The following TAFA2 variants were observed in gnomAD, a reference collection of about 807,000 sequenced individuals.
TAFA2 encodes the protein TAFA chemokine like family member 2, also known as chemokine-like protein TAFA-2.
In TAFA2, 7 loss-of-function variants were observed where a neutral mutation model predicts 18.8. The observed-to-expected ratio is 0.37, with a 90% CI of 0.21 to 0.70. The LOEUF is 0.70. TAFA2 is among the 30% of genes least tolerant of loss of function. The probability of loss-of-function intolerance (pLI) is 0.53; values close to 1 mark genes in which losing one functional copy is unlikely to be tolerated. For missense variants in TAFA2, 122 were observed against 158.1 expected (o/e 0.77, Z 1.23); for synonymous variants, 60 against 54.2 (o/e 1.11, Z -0.47).
chr12:61,712,450 AT>A (rs1376392321), intron 4 of TAFA2, among the ~76,000 whole-genome samples: 2 of 152,046 alleles, frequency 1.3e-5, no homozygotes, highest in African/African-American at 2.4e-5. Flanking sequence ...AACTAAAACA[AT>A]TTTTTTCTCC....
chr12:62,085,034 T>G (rs1868395368), intron 1 of TAFA2, among the ~76,000 whole-genome samples: 1 of 152,156 alleles, frequency 6.6e-6, no homozygotes, highest in Non-Finnish European at 1.5e-5. Context: ...CATAACTCAG[T>G]GTTTTCTATC....
At chr12:62,111,586 G>A (rs1400428507) in intron 1 of TAFA2, among the ~76,000 whole-genome samples, 4 of 152,112 alleles carry the variant, frequency 2.6e-5, no homozygotes, top group Non-Finnish European at 5.9e-5. Flanking sequence ...TGACAGTGTG[G>A]TATTAAAATC....
intron 1 of TAFA2, among the ~76,000 whole-genome samples, chr12:62,019,791 C>T (rs1007946704): frequency 4.0e-5 from 6 of 151,172 alleles, no homozygotes; most frequent in African/African-American, 9.7e-5. Context: ...GCACGTTGTG[C>T]ACATGTACCC....
chr12:62,113,385 TGCCA>T (rs1869820995), intron 1 of TAFA2, among the ~76,000 whole-genome samples: 3 of 152,176 alleles, frequency 2.0e-5, no homozygotes. Flanking sequence ...ACCCACCAGA[TGCCA>T]GCCAGAGCTC....
At chr12:61,790,239 A>G (rs1415110410) in intron 2 of TAFA2, among the ~76,000 whole-genome samples, 1 of 151,856 alleles carries the variant, frequency 6.6e-6, no homozygotes, top group Admixed American at 6.6e-5. Context: ...AAGGCCATAT[A>G]TGGCAAACCC....
chr12:61,786,060 T>C (rs1474431436), intron 2 of TAFA2, among the ~76,000 whole-genome samples: 2 of 151,302 alleles, frequency 1.3e-5, no homozygotes, highest in Non-Finnish European at 3.0e-5. Context: ...TTCAGCAGAG[T>C]ACTAATCAGC....
intron 1 of TAFA2, among the ~76,000 whole-genome samples, chr12:62,155,481 T>C (rs1305719323): frequency 3.9e-5 from 6 of 152,060 alleles, no homozygotes; most frequent in Non-Finnish European, 8.8e-5. Flanking sequence ...AGAGCCCACA[T>C]AGCCAAATCA....
intron 1 of TAFA2, among the ~76,000 whole-genome samples, chr12:61,895,079 G>A (rs1875783830): frequency 6.6e-6 from 1 of 152,046 alleles, no homozygotes; most frequent in Non-Finnish European, 1.5e-5. Context: ...TTTTACATAA[G>A]CCAAGGGCGT....
chr12:62,191,878 C>T lies in TAFA2; in HGVS notation c.-621G>A, dbSNP rs924255462. ...CCTCTCTCCCGCCCTCCCTCTTGTT[C>T]TCTGGGGAAAGGCAATTGGACAGAA... On this transcript the variant is annotated 5_prime_UTR_variant, in exon 1 of 5. Coordinates refer to ENST00000416284, the MANE Select transcript of TAFA2 (RefSeq NM_178539.5). 4 of 152,608 alleles carry T rather than the reference C, an allele frequency of 2.6e-5. No homozygotes were observed. The highest frequency in any genetic ancestry group is 9.6e-5 in the African/African-American group (4 of 41,456). The allele number at this position is 152,608 out of a possible 1,614,324, so 9.5% of individuals were successfully genotyped here. A position where few individuals can be genotyped will look rare whatever the true frequency, so the allele number is the denominator to read the frequency against.
At chr12:62,150,993 G>C (rs1245083995) in intron 1 of TAFA2, among the ~76,000 whole-genome samples, 2 of 144,904 alleles carry the variant, frequency 1.4e-5, no homozygotes, top group Non-Finnish European at 3.0e-5. Flanking sequence ...TGAAGGCCTT[G>C]TCAAAAAAAA....
At chr12:61,865,176 C>A (rs1382877102) in intron 2 of TAFA2, among the ~76,000 whole-genome samples, 3 of 152,088 alleles carry the variant, frequency 2.0e-5, no homozygotes, top group Non-Finnish European at 1.5e-5. Context: ...AGGTTCTTAC[C>A]TTAACCATTT....
At chr12:62,189,940 T>TTGTGTG (rs10643306) in intron 1 of TAFA2, among the ~76,000 whole-genome samples, 17,401 of 141,848 alleles carry the variant, frequency 0.12, 1,142 homozygotes, top group Middle Eastern at 0.18. Context: ...TGAGTTTGCT[T>TTGTGTG]TGTGTGTGTG....
intron 4 of TAFA2, among the ~76,000 whole-genome samples, chr12:61,724,168 C>A (rs939913398): frequency 6.6e-6 from 1 of 152,084 alleles, no homozygotes; most frequent in African/African-American, 2.4e-5. Context: ...CCTATCAAAT[C>A]TGGAGACTAG....
Position 62,234,721 on chromosome 12 carries a change from C to T in TAFA2, c.-130+24042G>A, listed in dbSNP as rs563983469. On this transcript the variant is annotated intron_variant, in intron 1 of 5. Coordinates refer to the TAFA2 transcript ENST00000551619. ...CAGTAAGGCCTTGCCTCTGAGGAGC[C>T]CCGTCTACCAGTCCTTTCCTGAGGC... 1.2e-4 allele frequency: 127 copies of T among 1,097,484 alleles called. 3 individuals carry two copies. The South Asian group carries it at 1.5e-3, about 13-fold the overall frequency. 68.0% of individuals were successfully genotyped at this position (1,097,484 alleles called of 1,614,324 possible).
intron 2 of TAFA2, among the ~76,000 whole-genome samples, chr12:61,818,000 C>A (rs984599626): frequency 2.0e-5 from 3 of 152,140 alleles, no homozygotes; most frequent in Non-Finnish European, 4.4e-5. Flanking sequence ...CTAGCCAAAG[C>A]AGACTCTCCC....
chr12:62,192,234 G>C lies in TAFA2; in HGVS notation c.-977C>G, dbSNP rs995837095. ...GGGCAGAGCCCCACGCAGCCCACCC[G>C]CTGCCCTTCTAGGCATCGTGGGCTG... On this transcript the variant is annotated 5_prime_UTR_variant, in exon 1 of 5. Transcript: ENST00000416284. The C allele has an allele frequency of 1.3e-5, 2 of 152,106 alleles. No individual in the cohort carries two copies. Among genetic ancestry groups the C allele is most frequent in the African/African-American group, 4.8e-5 (2 of 41,358 alleles). The allele number at this position is 152,106 out of a possible 1,614,324, so 9.4% of individuals were successfully genotyped here.
At chr12:61,777,267 T>C (rs745363433) in intron 2 of TAFA2, among the ~76,000 whole-genome samples, 15 of 151,888 alleles carry the variant, frequency 9.9e-5, no homozygotes, top group Non-Finnish European at 1.5e-4. Context: ...GGTACTTACA[T>C]GTAAGCTTCA....
intron 1 of TAFA2, among the ~76,000 whole-genome samples, chr12:62,244,595 T>C (rs2062876421): frequency 6.6e-6 from 1 of 152,194 alleles, no homozygotes; most frequent in African/African-American, 2.4e-5. Flanking sequence ...GATTCCAAGA[T>C]GTAAAATTGC....
chr12:61,799,090 T>C (rs1241325999), intron 2 of TAFA2, among the ~76,000 whole-genome samples: 1 of 152,246 alleles, frequency 6.6e-6, no homozygotes, highest in Non-Finnish European at 1.5e-5. Context: ...AATATGCATA[T>C]ATGCTTTATT....
Sources: allele counts gnomAD v4.1 joint callset (sites outside exome capture counted in the v4.1 genomes callset), GRCh38; gene constraint gnomAD v4.1.1; transcripts MANE v1.5; gene names NCBI Gene and HGNC (gene_info 2026-07-23, HGNC 2026-07-21).